Variants in SYCP2 observed in about 807,000 individuals in gnomAD.
The protein encoded by SYCP2 is synaptonemal complex lateral element protein.
Under a neutral mutation model 211.3 loss-of-function variants are expected in SYCP2, and 55 were observed. The observed-to-expected ratio is 0.26, with a 90% CI of 0.21 to 0.33. The LOEUF (loss-of-function observed/expected upper bound fraction) is 0.33, where lower values mean the gene tolerates loss of function less well. Among genes scored for constraint, SYCP2 ranks in the 10% least tolerant of loss-of-function variants. SYCP2 has a pLI of 1.00. For missense variants in SYCP2, 1,731 were observed against 1,752.0 expected (o/e 0.99, Z 0.21); for synonymous variants, 570 against 555.2 (o/e 1.03, Z -0.37).
Position 59,868,581 on chromosome 20 carries a change from T to C in SYCP2, c.3833-13A>G. On this transcript the variant is annotated splice_polypyrimidine_tract_variant and intron_variant, in intron 37 of 44. Coordinates refer to ENST00000357552, the MANE Select transcript of SYCP2 (RefSeq NM_014258.4). ...TGTTGGGTGGGGCCTTAGGAACAGT[T>C]AAAGAAAGTTAAAAGCGCTGCAATT... 1.9e-6 allele frequency: 3 copies of C among 1,565,134 alleles called. No homozygotes were observed. The highest frequency in any genetic ancestry group is 1.4e-5 in the African/African-American group (1 of 72,120).
intron 17 of SYCP2, 69 bp from the exon 18 acceptor site, chr20:59,900,353 A>C: frequency 1.5e-6 from 2 of 1,345,654 alleles, no homozygotes; most frequent in Non-Finnish European, 2.0e-6. Context: ...CAATCACTGG[A>C]TGTCTTAAGC....
intron 8 of SYCP2, chr20:59,915,757 GCCAAGGCGGGCGGATCA>G (rs2060427714): frequency 2.9e-6 from 1 of 339,462 alleles, no homozygotes; most frequent in Non-Finnish European, 5.3e-6. Flanking sequence ...ACTTTGGGAG[GCCAAGGCGGGCGGATCA>G]CTTGATGTCA....
intron 4 of SYCP2, among the ~76,000 whole-genome samples, chr20:59,920,848 G>A (rs180719050): frequency 5.4e-4 from 82 of 151,626 alleles, no homozygotes; most frequent in African/African-American, 1.9e-3. Context: ...AGATACTGGG[G>A]TAAGGGGATT....
chr20:59,928,976 G>A (rs1250334045), intron 2 of SYCP2, among the ~76,000 whole-genome samples: 1 of 152,010 alleles, frequency 6.6e-6, no homozygotes, highest in Non-Finnish European at 1.5e-5. Context: ...TTGTAAAAGA[G>A]AGGCAGCATA....
At chr20:59,918,923 ATTTG>A (rs1187978708) in intron 7 of SYCP2, among the ~76,000 whole-genome samples, 5 of 152,074 alleles carry the variant, frequency 3.3e-5, no homozygotes, top group East Asian at 1.9e-4. Flanking sequence ...ATTCATAGAA[ATTTG>A]TTTTTCTTTC....
At chr20:59,896,933 A>C (rs898155426) in intron 18 of SYCP2, among the ~76,000 whole-genome samples, 3 of 152,178 alleles carry the variant, frequency 2.0e-5, no homozygotes, top group African/African-American at 7.2e-5. Flanking sequence ...TTTCATGTTA[A>C]GCTTTCTTCA....
intron 16 of SYCP2, among the ~76,000 whole-genome samples, chr20:59,901,268 A>T (rs985905928): frequency 2.6e-5 from 4 of 151,816 alleles, no homozygotes; most frequent in Admixed American, 2.6e-4. Context: ...TAACCTCCAA[A>T]CCTGACTCTT....
At chr20:59,919,680 C>G (rs372369270) in intron 5 of SYCP2, 83 bp from the exon 6 acceptor site, 2 of 796,968 alleles carry the variant, frequency 2.5e-6, no homozygotes. Context: ...AACAGTAAAC[C>G]TAGGAATAAA....
intron 20 of SYCP2, among the ~76,000 whole-genome samples, chr20:59,894,492 T>C (rs181297900): frequency 1.4e-4 from 22 of 152,110 alleles, no homozygotes; most frequent in Admixed American, 1.1e-3. Context: ...ACATACCCAT[T>C]TAAATTAAAA....
In SYCP2 at chr20:59,880,256, A is replaced by G. The variant is rs181010840; in HGVS notation, c.2941+47T>C. The G allele has an allele frequency of 9.1e-5, 133 of 1,460,820 alleles. No individual in the cohort carries two copies. The African/African-American group carries it at 1.7e-3, about 19-fold the overall frequency. 90.5% of individuals were successfully genotyped at this position (1,460,820 alleles called of 1,614,324 possible). ...ATAAAGCATTTTCAATAATTGAAAT[A>G]AACTGCAAAATCATTTGCAACATTT... On this transcript the variant is annotated intron_variant, in intron 31 of 44. Transcript: ENST00000357552.
At position 59,919,683 on chromosome 20, in the gene SYCP2, G is replaced by A. The variant is rs918611842; in HGVS notation, c.298-86C>T. On this transcript the variant is annotated intron_variant, in intron 5 of 44. Transcript: ENST00000357552. Reference sequence around the variant, plus strand: ...TATCTTTGCATAAACAGTAAACCTAGGAATAAAGACACATCAAAATTAAAA... The same window carrying A: ...TATCTTTGCATAAACAGTAAACCTAAGAATAAAGACACATCAAAATTAAAA... The A allele has an allele frequency of 2.1e-5, 16 of 746,282 alleles. No homozygotes were observed. In the African/African-American group the frequency reaches 2.2e-4, roughly 10 times the overall value. The allele number at this position is 746,282 out of a possible 1,614,324, so 46.2% of individuals were successfully genotyped here.
At chr20:59,923,800 G>A (rs1600993600) in intron 2 of SYCP2, among the ~76,000 whole-genome samples, 1 of 151,650 alleles carries the variant, frequency 6.6e-6, no homozygotes, top group African/African-American at 2.4e-5. Flanking sequence ...GAGGAGGGAG[G>A]CTGTAATGTT....
At chr20:59,924,404 ATCTG>A (rs544033062) in intron 2 of SYCP2, among the ~76,000 whole-genome samples, 36 of 151,994 alleles carry the variant, frequency 2.4e-4, no homozygotes, top group Middle Eastern at 3.4e-3. Flanking sequence ...TCTCCAGTTG[ATCTG>A]TCTATGTCAA....
rs753065180 is a variant in SYCP2, at chr20:59,868,539, T to G, written c.3862A>C (p.Ile1288Leu). Residue 1288 changes from isoleucine (I) to leucine (L), a missense_variant, in exon 38 of 45, where the codon ATA (isoleucine) becomes CTA (leucine). Physicochemically the swap from Ile to Leu is conservative, Grantham distance 5. Transcript: ENST00000357552. ...GPTQHLSRKR[I>L]YIEDNLSNSN... ...TTACTTAGATTATCTTCTATATATA[T>G]TCTTTTGCGACTAAGATGTTGGGTG... 4 of 1,606,190 alleles carry G rather than the reference T, an allele frequency of 2.5e-6. No homozygotes were observed. The African/African-American group carries it at 5.4e-5, about 22-fold the overall frequency.
At chr20:59,932,786 G>A (rs912676699) in intron 1 of SYCP2, among the ~76,000 whole-genome samples, 31 of 152,294 alleles carry the variant, frequency 2.0e-4, no homozygotes, top group African/African-American at 7.5e-4. Context: ...GCATTGAGCC[G>A]CCGCGGGACG....
chr20:59,888,756 C>A (rs942043134), intron 24 of SYCP2, among the ~76,000 whole-genome samples: 14 of 152,056 alleles, frequency 9.2e-5, no homozygotes, highest in South Asian at 6.2e-4. Flanking sequence ...AAAGAATTAG[C>A]AACAAAACTA....
chr20:59,900,707 A>G (rs771180385), intron 17 of SYCP2, 37 bp downstream of exon 17: 1 of 1,518,724 alleles, frequency 6.6e-7, no homozygotes, highest in Non-Finnish European at 9.1e-7. Flanking sequence ...GGTTAAACTT[A>G]GCCCAGTGAT....
At chr20:59,915,667 T>C (rs1395799798) in intron 8 of SYCP2, 117 bp from the exon 9 acceptor site, 2 of 682,700 alleles carry the variant, frequency 2.9e-6, no homozygotes. Flanking sequence ...TGAGTTTTAT[T>C]ATGGGAATGG....
At chr20:59,887,411 G>C (rs191860699) in intron 24 of SYCP2, among the ~76,000 whole-genome samples, 1 of 152,044 alleles carries the variant, frequency 6.6e-6, no homozygotes, top group Non-Finnish European at 1.5e-5. Flanking sequence ...GGGACATTTG[G>C]GTGGGTTCCA....
Sources: allele counts gnomAD v4.1 joint callset (sites outside exome capture counted in the v4.1 genomes callset), GRCh38; gene constraint gnomAD v4.1.1; transcripts MANE v1.5; gene names NCBI Gene and HGNC (gene_info 2026-07-23, HGNC 2026-07-21).